The following ARHGEF10 variants were observed in gnomAD, a reference collection of about 807,000 sequenced individuals.
ARHGEF10 encodes the protein Rho guanine nucleotide exchange factor (GEF) 10.
Under a neutral mutation model 147.4 loss-of-function variants are expected in ARHGEF10, and 140 were observed. The ratio of observed to expected loss-of-function variants is 0.95; its 90% CI spans 0.83 to 1.09. The LOEUF is 1.09. Ranked by LOEUF, ARHGEF10 falls within the 50% of genes least tolerant of loss-of-function variation. The pLI is 0.00. For synonymous variants in ARHGEF10, 902 were observed against 695.8 expected (o/e 1.30, Z -4.67); for missense variants, 2,222 against 1,752.7 (o/e 1.27, Z -4.78).
At chr8:1,928,770 A>T in intron 24 of ARHGEF10, 120 bp downstream of exon 24, 1 of 1,054,030 alleles carries the variant, frequency 9.5e-7, no homozygotes, top group Non-Finnish European at 1.4e-6. Context: ...TGCAGGAATT[A>T]GGGGATACCA....
chr8:1,898,522 C>CCAG lies in ARHGEF10; in HGVS notation c.1648_1650dup (p.Gln550dup). 6.2e-7 allele frequency: 1 copy of CCAG among 1,613,830 alleles called. No homozygotes were observed. The highest frequency in any genetic ancestry group is 8.5e-7 in the Non-Finnish European group (1 of 1,179,764). Reference sequence around the variant, plus strand: ...GGTTCCCACAGTTCATCCTCCTGCTCCAGGTAAGTGCTTCACGGAGACCTC... The same window carrying CCAG: ...GGTTCCCACAGTTCATCCTCCTGCTCCAGCAGGTAAGTGCTTCACGGAGACCTC... On this transcript the variant is annotated inframe_insertion, in exon 15 of 29. Coordinates refer to ENST00000349830, the MANE Select transcript of ARHGEF10 (RefSeq NM_014629.4).
intron 18 of ARHGEF10, among the ~76,000 whole-genome samples, chr8:1,921,385 G>A (rs942701400): frequency 6.6e-5 from 10 of 152,166 alleles, no homozygotes; most frequent in Admixed American, 1.3e-4. Context: ...TTTGTGGGAC[G>A]TAGCATAGAA....
chr8:1,906,261 A>G (rs540519925), intron 17 of ARHGEF10, among the ~76,000 whole-genome samples: 2 of 152,360 alleles, frequency 1.3e-5, no homozygotes, highest in South Asian at 4.1e-4. Flanking sequence ...GAACTGATAT[A>G]AAGTTAACTA....
chr8:1,914,146 C>G (rs898438547), intron 18 of ARHGEF10, among the ~76,000 whole-genome samples: 2 of 152,210 alleles, frequency 1.3e-5, no homozygotes, highest in Middle Eastern at 3.2e-3. Flanking sequence ...GAAGTGAGCC[C>G]GGCCGAAGGA....
Position 1,950,688 on chromosome 8 carries a change from C to T in ARHGEF10, c.3398-2017C>T, listed in dbSNP as rs181309778. ...TTGGGATAACAGGTGCCTACCACCACGCCCAGCTAGTTTTTTTGTATTTTT... is the reference window on the plus strand; with the variant it reads ...TTGGGATAACAGGTGCCTACCACCATGCCCAGCTAGTTTTTTTGTATTTTT... On this transcript the variant is annotated intron_variant, in intron 27 of 28. Coordinates refer to ENST00000349830, the MANE Select transcript of ARHGEF10 (RefSeq NM_014629.4). Among the ~76,000 whole-genome samples, 343 of 151,018 alleles carry T rather than the reference C, an allele frequency of 2.3e-3. 5 individuals are homozygous for T. In the South Asian group the frequency reaches 0.025, roughly 11 times the overall value.
At chr8:1,879,147 T>C (rs1197505748) in intron 8 of ARHGEF10, among the ~76,000 whole-genome samples, 2 of 152,210 alleles carry the variant, frequency 1.3e-5, no homozygotes, top group Non-Finnish European at 2.9e-5. Flanking sequence ...CTAAAGTGTC[T>C]GTGACATGAG....
Position 1,957,936 on chromosome 8 carries a change from A to T in ARHGEF10, c.*673A>T, listed in dbSNP as rs778491896. 2.0e-5 allele frequency: 3 copies of T among 152,322 alleles called. No homozygotes were observed. The highest frequency in any genetic ancestry group is 4.4e-5 in the Non-Finnish European group (3 of 68,098). 9.4% of individuals were successfully genotyped at this position (152,322 alleles called of 1,614,324 possible). ...CAGTTAATGTTTCAGTCAATGTATT[A>T]TCTGTAGCATTTCACAAATAATGTT... On this transcript the variant is annotated 3_prime_UTR_variant, in exon 29 of 29. Coordinates refer to ENST00000349830, the MANE Select transcript of ARHGEF10 (RefSeq NM_014629.4).
intron 18 of ARHGEF10, among the ~76,000 whole-genome samples, chr8:1,919,173 T>C (rs915418823): frequency 1.4e-5 from 2 of 146,740 alleles, no homozygotes; most frequent in Non-Finnish European, 3.0e-5. Flanking sequence ...GTGATGGAGC[T>C]GTTCTCTGGG....
intron 18 of ARHGEF10, 34 bp downstream of exon 18, chr8:1,909,504 G>T (rs765366786): frequency 3.1e-6 from 5 of 1,611,852 alleles, no homozygotes; most frequent in Admixed American, 1.7e-5. Context: ...TCGTGCCGTG[G>T]GGCCAGGGTA....
chr8:1,832,524 GTA>G (rs147334048), intron 1 of ARHGEF10, among the ~76,000 whole-genome samples: 64,215 of 130,040 alleles, frequency 0.49, 15,070 homozygotes, highest in Middle Eastern at 0.63. Flanking sequence ...AGAGACAGAG[GTA>G]GAGAGACACA....
At chr8:1,890,295 G>C (rs1425280566) in intron 11 of ARHGEF10, among the ~76,000 whole-genome samples, 3 of 149,998 alleles carry the variant, frequency 2.0e-5, no homozygotes, top group Non-Finnish European at 4.4e-5. Flanking sequence ...TGAGGGTTCT[G>C]AGGAGACACT....
chr8:1,903,426 C>T lies in ARHGEF10; in HGVS notation c.1796C>T (p.Ala599Val), dbSNP rs751343708. ...TGTGAAGTGAAGCAAATAGCCAAAG[C>T]CATAAACGAAAGATACCTGAACAAG... Reference protein sequence around the residue: ...QRCEVKQIAKAINERYLNKLL... With the variant: ...QRCEVKQIAKVINERYLNKLL... The change falls in exon 16 of 29, where the codon GCC becomes GTC. Residue 599 changes from alanine to valine, a missense_variant. Coordinates refer to ENST00000349830, the MANE Select transcript of ARHGEF10 (RefSeq NM_014629.4). 7.4e-6 allele frequency: 12 copies of T among 1,614,176 alleles called. No individual in the cohort carries two copies. Among genetic ancestry groups the T allele is most frequent in the Non-Finnish European group, 1.0e-5 (12 of 1,180,040 alleles).
At chr8:1,832,436 ACAGAGG>A (rs1276345209) in intron 1 of ARHGEF10, among the ~76,000 whole-genome samples, 2 of 148,110 alleles carry the variant, frequency 1.4e-5, no homozygotes, top group African/African-American at 2.5e-5. Flanking sequence ...ACAGAGGCAG[ACAGAGG>A]CAGAGACAGA....
Position 1,897,401 on chromosome 8 carries a change from C to T in ARHGEF10, c.1557+952C>T, listed in dbSNP as rs181429185. On this transcript the variant is annotated intron_variant, in intron 14 of 28. Coordinates refer to ENST00000349830, the MANE Select transcript of ARHGEF10 (RefSeq NM_014629.4). The stretch of plus-strand genomic sequence containing the variant: ...AAGGGATCGGATCGCAGTTCCCCCT[C>T]TGGACAGCTGTGGGCTCTGTCCTAA... Among the ~76,000 whole-genome samples the T allele has an allele frequency of 4.2e-3, 631 of 150,278 alleles. 12 individuals carry two copies. The highest frequency in any genetic ancestry group is 0.014 in the African/African-American group (587 of 40,514).
At chr8:1,857,381 G>C (rs1049624158) in intron 2 of ARHGEF10, among the ~76,000 whole-genome samples, 8 of 151,776 alleles carry the variant, frequency 5.3e-5, no homozygotes, top group Non-Finnish European at 7.4e-5. Context: ...TTTAAAATGT[G>C]AAAAGCTCTT....
intron 16 of ARHGEF10, 147 bp downstream of exon 16, chr8:1,903,598 C>A (rs111999716): frequency 3.1e-6 from 3 of 954,884 alleles, no homozygotes; most frequent in African/African-American, 3.3e-5. Flanking sequence ...TGGAGGCCTT[C>A]GGGAGAGTCA....
rs2129280731 is a variant in ARHGEF10 at position 1,948,080 on chromosome 8, T to C, written c.3397+2425T>C. On this transcript the variant is annotated intron_variant, in intron 27 of 28. Coordinates refer to ENST00000349830, the MANE Select transcript of ARHGEF10 (RefSeq NM_014629.4). This position sits in a 1 kb window ranked among gnomAD's most constrained non-coding sequence, Gnocchi z 4.9. ...GGCGCTGAGCCTTCCTTGGGACTTTTCACCCTTCAGCTCATAGTTTCCAGG... is the reference window on the plus strand; with the variant it reads ...GGCGCTGAGCCTTCCTTGGGACTTTCCACCCTTCAGCTCATAGTTTCCAGG... Among the ~76,000 whole-genome samples, 1 of 152,188 alleles carries C rather than the reference T, an allele frequency of 6.6e-6. No individual in the cohort carries two copies. The highest frequency in any genetic ancestry group is 2.4e-5 in the African/African-American group (1 of 41,550).
At chr8:1,850,564 G>A (rs895753645) in intron 2 of ARHGEF10, among the ~76,000 whole-genome samples, 2 of 151,364 alleles carry the variant, frequency 1.3e-5, no homozygotes, top group Non-Finnish European at 3.0e-5. Flanking sequence ...GGACACAGAC[G>A]GCAAATGCTG....
In ARHGEF10 at chr8:1,864,576, C is replaced by CG; in HGVS notation, c.545+143dup. ...GCTGTCCCAACCCCACCTCCTGCCT[C>CG]GGGTCCCTCCCAGGCGAGTGTCCCT... On this transcript the variant is annotated intron_variant, in intron 5 of 28. Transcript: ENST00000349830. The CG allele has an allele frequency of 3.6e-6, 3 of 823,512 alleles. No homozygotes were observed. In the South Asian group the frequency reaches 4.1e-5, roughly 11 times the overall value. The allele number at this position is 823,512 out of a possible 1,614,324, so 51.0% of individuals were successfully genotyped here.
Sources: gnomAD v4.1 joint callset for allele counts (sites outside exome capture counted in the v4.1 genomes callset) on GRCh38, gnomAD v4.1.1 for gene constraint, Gnocchi (gnomAD v3.1) non-coding constraint, MANE v1.5 for transcripts, NCBI Gene and HGNC (gene_info 2026-07-23, HGNC 2026-07-21) for gene names.